IL10RB: variants seen among roughly 807,000 people sequenced by gnomAD.
IL10RB encodes interleukin-10 receptor subunit beta.
A neutral mutation model predicts 38.7 loss-of-function variants in IL10RB; 30 were observed. The observed-to-expected ratio is 0.78, with a 90% CI of 0.58 to 1.05. IL10RB has a LOEUF of 1.05. Ranked by LOEUF, IL10RB falls within the 50% of genes least tolerant of loss-of-function variation. IL10RB has a pLI of 0.00. For synonymous variants in IL10RB, 142 were observed against 145.9 expected, an observed-to-expected ratio of 0.97 and a Z score of 0.19; for missense variants, 328 against 397.1, an observed-to-expected ratio of 0.83 and a Z score of 1.48.
chr21:33,267,288 T>C (rs1168802400), intron 1 of IL10RB, among the ~76,000 whole-genome samples: 1 of 151,908 alleles, frequency 6.6e-6, no homozygotes, highest in Non-Finnish European at 1.5e-5. Flanking sequence ...CAAGGCCTTT[T>C]CTCTCCTTCC....
At chr21:33,271,918 C>G (rs1292845556) in intron 2 of IL10RB, among the ~76,000 whole-genome samples, 2 of 151,546 alleles carry the variant, frequency 1.3e-5, no homozygotes, top group East Asian at 3.9e-4. Context: ...ATAGCAGCCT[C>G]TTGTCTCTAC....
At chr21:33,297,846 A>AC (rs57093480), downstream of IL10RB, among the ~76,000 whole-genome samples, 11,366 of 152,068 alleles carry the variant, frequency 0.075, 1,388 homozygotes, top group African/African-American at 0.26. Flanking sequence ...AGGAAAGAAA[A>AC]AAAAGAAAAG....
rs1292416988 is a variant in IL10RB at position 33,267,510 on chromosome 21, G to GTT, written c.50-878_50-877dup. Among the ~76,000 whole-genome samples the GTT allele has an allele frequency of 1.9e-4, 14 of 73,996 alleles. 1 individual carries two copies. Among genetic ancestry groups the GTT allele is most frequent in the African/African-American group, 4.0e-4 (9 of 22,242 alleles). 48.5% of individuals were successfully genotyped at this position (73,996 alleles called of 152,430 possible). ...TTTTTTTTTGTTTGTTTGTTTTTTT[G>GTT]TTTTTTTGTTTTTTTTTGAGACAGG... On this transcript the variant is annotated intron_variant, in intron 1 of 6. Transcript: ENST00000290200.
chr21:33,283,869 T>TATGCA (rs1376532986), intron 5 of IL10RB, among the ~76,000 whole-genome samples: 1 of 152,178 alleles, frequency 6.6e-6, no homozygotes, highest in African/African-American at 2.4e-5. Flanking sequence ...TGCATGTTGG[T>TATGCA]GAAAACTGAG....
intron 6 of IL10RB, 35 bp from the exon 7 acceptor site, chr21:33,296,149 A>T (rs760495708): frequency 1.3e-6 from 2 of 1,565,416 alleles, no homozygotes; most frequent in Non-Finnish European, 1.8e-6. Context: ...GAAATGGAGA[A>T]AATTGATCAT....
Position 33,296,840 on chromosome 21 carries a change from C to G in IL10RB, c.*483C>G. On this transcript the variant is annotated 3_prime_UTR_variant, in exon 7 of 7. Coordinates refer to ENST00000290200, the MANE Select transcript of IL10RB (RefSeq NM_000628.5). Reference sequence around the variant, plus strand: ...GCGCATGCCTATAATCCCAGCTACTCGAGTGCCTGAGGCAGGAGAATTGCA... The same window carrying G: ...GCGCATGCCTATAATCCCAGCTACTGGAGTGCCTGAGGCAGGAGAATTGCA... 3.3e-6 allele frequency: 1 copy of G among 307,322 alleles called. No homozygotes were observed. Among genetic ancestry groups the G allele is most frequent in the Non-Finnish European group, 6.4e-6 (1 of 157,216 alleles). The allele number at this position is 307,322 out of a possible 1,614,324, so 19.0% of individuals were successfully genotyped here.
At chr21:33,299,653 A>T (rs2123610466), downstream of IL10RB, among the ~76,000 whole-genome samples, 1 of 152,260 alleles carries the variant, frequency 6.6e-6, no homozygotes, top group South Asian at 2.1e-4. Context: ...GTAGCTGCAC[A>T]CTGTGGCCGC....
chr21:33,276,598 A>G lies in IL10RB; in HGVS notation c.176A>G (p.Tyr59Cys). 6.2e-7 allele frequency: 1 copy of G among 1,612,460 alleles called. No individual in the cohort carries two copies. The highest frequency in any genetic ancestry group is 8.5e-7 in the Non-Finnish European group (1 of 1,178,538). ...GACCTATCTTTTTGATTGTGTAGTTATAGGATATTCCAAGATAAATGCATG... is the reference window on the plus strand; with the variant it reads ...GACCTATCTTTTTGATTGTGTAGTTGTAGGATATTCCAAGATAAATGCATG... ...NLTFTAQYLS[Y>C]RIFQDKCMNT... The change falls in exon 3 of 7, where the codon TAT becomes TGT. Residue 59 changes from tyrosine (Y) to cysteine (C), a missense_variant and splice_region_variant. Tyr to Cys is a radical substitution (Grantham distance 194, BLOSUM62 -2). Transcript: ENST00000290200.
chr21:33,295,038 G>A (rs917513456), intron 6 of IL10RB, among the ~76,000 whole-genome samples: 4 of 152,222 alleles, frequency 2.6e-5, no homozygotes, highest in Non-Finnish European at 1.5e-5. Flanking sequence ...AGCCATGTGT[G>A]TTTTAGATTT....
intron 2 of IL10RB, among the ~76,000 whole-genome samples, chr21:33,275,435 C>T (rs903532773): frequency 7.2e-5 from 11 of 152,248 alleles, no homozygotes; most frequent in African/African-American, 2.4e-4. Context: ...GGATTACAGG[C>T]GTGAGCCACC....
chr21:33,276,334 T>C (rs1426768115), intron 2 of IL10RB, among the ~76,000 whole-genome samples: 1 of 152,204 alleles, frequency 6.6e-6, no homozygotes, highest in Non-Finnish European at 1.5e-5. Context: ...GTCTCATAAA[T>C]CACATGCCCC....
At chr21:33,268,614 G>A (rs1989018357) in intron 2 of IL10RB, 97 bp downstream of exon 2, 3 of 879,940 alleles carry the variant, frequency 3.4e-6, no homozygotes, top group Non-Finnish European at 5.9e-6. Context: ...TCTGACTACG[G>A]TCACCGTGTG....
chr21:33,300,644 T>A (rs577167162), downstream of IL10RB, among the ~76,000 whole-genome samples: 3 of 152,306 alleles, frequency 2.0e-5, no homozygotes, highest in Non-Finnish European at 2.9e-5. Context: ...TGTTTGTGCC[T>A]CTCCAAAATT....
In IL10RB at chr21:33,279,759, T is replaced by C. The variant is rs773048741; in HGVS notation, c.339T>C (p.Ile113=). 1.2e-6 allele frequency: 2 copies of C among 1,613,880 alleles called. No individual in the cohort carries two copies. Among genetic ancestry groups the C allele is most frequent in the Non-Finnish European group, 1.7e-6 (2 of 1,179,742 alleles). The change falls in exon 4 of 7, where the codon ATT becomes ATC. Residue 113 remains isoleucine, a synonymous_variant. Transcript: ENST00000290200. The stretch of plus-strand genomic sequence containing the variant: ...GCTTGTTCTTCTGCTTAGCCATTAT[T>C]GGACCCCCTGGAATGCAAGTAGAAG... ...ITFCPVDDTI[I]GPPGMQVEVL... is the part of the protein sequence containing the mutation.
At chr21:33,282,727 T>C (rs1158198883) in intron 4 of IL10RB, among the ~76,000 whole-genome samples, 1 of 152,074 alleles carries the variant, frequency 6.6e-6, no homozygotes, top group African/African-American at 2.4e-5. Context: ...TTTTTGTATA[T>C]TTAGTAGAGA....
chr21:33,287,143 C>A (rs894010545), intron 5 of IL10RB, among the ~76,000 whole-genome samples: 14 of 152,106 alleles, frequency 9.2e-5, no homozygotes, highest in African/African-American at 3.4e-4. Flanking sequence ...CTCAAAGGGA[C>A]AGAGGAAGGA....
downstream of IL10RB, among the ~76,000 whole-genome samples, chr21:33,299,018 A>G (rs1211799300): frequency 6.6e-6 from 1 of 152,206 alleles, no homozygotes; most frequent in Non-Finnish European, 1.5e-5. Context: ...AGCTGGCCCA[A>G]CCAATCCACT....
chr21:33,267,861 C>T, intron 1 of IL10RB: 1 of 183,700 alleles, frequency 5.4e-6, no homozygotes, highest in East Asian at 1.4e-4. Context: ...ATTTCTGTCT[C>T]TAGCCCACAT....
At chr21:33,268,341 G>A in intron 1 of IL10RB, 53 bp from the exon 2 acceptor site, 3 of 1,612,714 alleles carry the variant, frequency 1.9e-6, no homozygotes, top group Non-Finnish European at 2.5e-6. Flanking sequence ...GCTTTTTCAT[G>A]GGCATCTGTT....
Sources: allele counts gnomAD v4.1 joint callset (sites outside exome capture counted in the v4.1 genomes callset), GRCh38; gene constraint gnomAD v4.1.1; transcripts MANE v1.5; gene names NCBI Gene and HGNC (gene_info 2026-07-23, HGNC 2026-07-21).